BAG4: variants seen among roughly 807,000 people sequenced by gnomAD.
BAG4 encodes the protein BAG family molecular chaperone regulator 4.
A neutral mutation model predicts 52.1 loss-of-function variants in BAG4; 28 were observed. The observed-to-expected ratio is 0.54, with a 90% confidence interval of 0.40 to 0.74. The LOEUF (loss-of-function observed/expected upper bound fraction) is 0.74. Ranked by LOEUF, BAG4 falls within the 30% of genes least tolerant of loss-of-function variation. The probability of loss-of-function intolerance (pLI) is 0.00; values close to 1 mark genes in which losing one functional copy is unlikely to be tolerated. For synonymous variants in BAG4, 208 were observed against 217.0 expected, an observed-to-expected ratio of 0.96 and a Z score of 0.37; for missense variants, 525 against 572.0, an observed-to-expected ratio of 0.92 and a Z score of 0.84.
rs1803651553 is a variant in BAG4, at chr8:38,200,822, T to C, written c.379-6690T>C. ...CATGTTGGTCAGGCTGGTCTCGAAC[T>C]CCGGACCTCAGGTGATCCGCTTGCC... On this transcript the variant is annotated intron_variant, in intron 2 of 4. Coordinates refer to ENST00000287322, the MANE Select transcript of BAG4 (RefSeq NM_004874.4). Among the ~76,000 whole-genome samples, 2 of 151,950 alleles carry C rather than the reference T, an allele frequency of 1.3e-5. 1 individual carries two copies. The highest frequency in any genetic ancestry group is 2.9e-5 in the Non-Finnish European group (2 of 67,948).
At position 38,180,510 on chromosome 8, in the gene BAG4, G is replaced by A. The variant is rs557018876; in HGVS notation, c.270+3371G>A. Among the ~76,000 whole-genome samples, 215 of 77,402 alleles carry A rather than the reference G, an allele frequency of 2.8e-3. No homozygotes were observed. The Middle Eastern group carries it at 0.037, about 13-fold the overall frequency. The allele number at this position is 77,402 out of a possible 152,430, so 50.8% of individuals were successfully genotyped here. On this transcript the variant is annotated intron_variant, in intron 1 of 4. Coordinates refer to ENST00000287322, the MANE Select transcript of BAG4 (RefSeq NM_004874.4). ...TGCACCCCAGCCTGGGCAGCAAAGC[G>A]AGACTCCGTCTCAAAAAAAAAAAAA...
intron 1 of BAG4, among the ~76,000 whole-genome samples, chr8:38,180,985 G>C (rs1262257092): frequency 6.8e-6 from 1 of 147,968 alleles, no homozygotes; most frequent in Non-Finnish European, 1.5e-5. Context: ...CTGTTACCCA[G>C]GCTGGAGTGC....
rs532845972 is a variant in BAG4 at position 38,182,122 on chromosome 8, G to A, written c.270+4983G>A. ...GTAAATGTTTGAACCAGATGCTGGGGCAAGAGGGACAACACAGAGAAGCAT... is the reference window on the plus strand; with the variant it reads ...GTAAATGTTTGAACCAGATGCTGGGACAAGAGGGACAACACAGAGAAGCAT... On this transcript the variant is annotated intron_variant, in intron 1 of 4. Transcript: ENST00000287322. Among the ~76,000 whole-genome samples, 10 of 152,194 alleles carry A rather than the reference G, an allele frequency of 6.6e-5. No homozygotes were observed. The East Asian group carries it at 1.9e-3, about 29-fold the overall frequency.
At chr8:38,177,583 G>A (rs1803186351) in intron 1 of BAG4, among the ~76,000 whole-genome samples, 2 of 152,184 alleles carry the variant, frequency 1.3e-5, no homozygotes, top group Non-Finnish European at 2.9e-5. Context: ...CGAGGAGGAG[G>A]GATCTGGGCA....
chr8:38,198,112 C>T (rs776552910), intron 2 of BAG4, among the ~76,000 whole-genome samples: 21 of 151,752 alleles, frequency 1.4e-4, no homozygotes, highest in Non-Finnish European at 2.1e-4. Flanking sequence ...GGGCCGGGCG[C>T]GGTGGCTCAC....
chr8:38,201,421 C>G (rs1208535927), intron 2 of BAG4, among the ~76,000 whole-genome samples: 1 of 152,144 alleles, frequency 6.6e-6, no homozygotes, highest in Non-Finnish European at 1.5e-5. Flanking sequence ...AAGTGATCCT[C>G]CTGTCTCAGT....
At chr8:38,189,818 T>C (rs1470534300) in intron 1 of BAG4, among the ~76,000 whole-genome samples, 1 of 152,182 alleles carries the variant, frequency 6.6e-6, no homozygotes, top group African/African-American at 2.4e-5. Flanking sequence ...TACGTTTTGT[T>C]GTTGTTGTTG....
intron 2 of BAG4, among the ~76,000 whole-genome samples, chr8:38,199,526 CTTT>C (rs148882011): frequency 5.7e-5 from 8 of 141,474 alleles, no homozygotes; most frequent in Admixed American, 7.1e-5. Flanking sequence ...CCTGTGATTT[CTTT>C]TTTTTTTTTT....
At chr8:38,201,223 A>G (rs1181028396) in intron 2 of BAG4, among the ~76,000 whole-genome samples, 1 of 152,186 alleles carries the variant, frequency 6.6e-6, no homozygotes, top group South Asian at 2.1e-4. Flanking sequence ...AAATAACCCA[A>G]AGGTGTCTAG....
chr8:38,187,782 G>A (rs1274237909), intron 1 of BAG4, among the ~76,000 whole-genome samples: 1 of 151,568 alleles, frequency 6.6e-6, no homozygotes, highest in Non-Finnish European at 1.5e-5. Context: ...CAGCAATTTG[G>A]GAGGCCAAGG....
intron 1 of BAG4, among the ~76,000 whole-genome samples, chr8:38,180,737 T>C (rs1053616444): frequency 6.6e-6 from 1 of 151,964 alleles, no homozygotes; most frequent in Admixed American, 6.6e-5. Flanking sequence ...ACTTGTGAGG[T>C]TGATAGAAAT....
At chr8:38,198,596 C>T (rs1450169166) in intron 2 of BAG4, among the ~76,000 whole-genome samples, 1 of 149,910 alleles carries the variant, frequency 6.7e-6, no homozygotes, top group East Asian at 2.0e-4. Flanking sequence ...TCAAGCAATT[C>T]TCCTGCCTCA....
intron 1 of BAG4, among the ~76,000 whole-genome samples, chr8:38,189,197 G>A (rs548020420): frequency 2.0e-5 from 3 of 151,926 alleles, no homozygotes; most frequent in Admixed American, 1.3e-4. Flanking sequence ...CACCCACCTC[G>A]GCCTCCCAAA....
At chr8:38,191,712 A>G (rs1260944821) in intron 1 of BAG4, among the ~76,000 whole-genome samples, 1 of 146,278 alleles carries the variant, frequency 6.8e-6, no homozygotes, top group Non-Finnish European at 1.5e-5. Flanking sequence ...GTGAGCCGAG[A>G]TCGTGCCATT....
chr8:38,203,464 T>C (rs1803717209), intron 2 of BAG4, among the ~76,000 whole-genome samples: 1 of 151,904 alleles, frequency 6.6e-6, no homozygotes, highest in Non-Finnish European at 1.5e-5. Context: ...TTTGTATTTT[T>C]AGTAGAGACA....
At chr8:38,207,418 ATCT>A (rs1370320303) in intron 2 of BAG4, 91 bp from the exon 3 acceptor site, 12 of 1,387,728 alleles carry the variant, frequency 8.6e-6, no homozygotes, top group South Asian at 4.0e-5. Flanking sequence ...AGTGATTAAC[ATCT>A]TCTCAAAGTT....
At chr8:38,201,479 A>G (rs1362994626) in intron 2 of BAG4, among the ~76,000 whole-genome samples, 1 of 151,776 alleles carries the variant, frequency 6.6e-6, no homozygotes, top group East Asian at 1.9e-4. Context: ...ATTTTTAAAT[A>G]TTTTGCAGAG....
chr8:38,196,226 G>A (rs1384251408), intron 2 of BAG4, among the ~76,000 whole-genome samples: 1 of 152,152 alleles, frequency 6.6e-6, no homozygotes, highest in African/African-American at 2.4e-5. Context: ...TGGTCATAGA[G>A]TAACCCTATA....
At chr8:38,203,227 TGC>T (rs1803710484) in intron 2 of BAG4, among the ~76,000 whole-genome samples, 1 of 152,100 alleles carries the variant, frequency 6.6e-6, no homozygotes, top group Non-Finnish European at 1.5e-5. Context: ...GGAAACTCAT[TGC>T]TAAGCGAGTG....
Sources: gnomAD v4.1 joint callset for allele counts (sites outside exome capture counted in the v4.1 genomes callset) on GRCh38, gnomAD v4.1.1 for gene constraint, MANE v1.5 for transcripts, NCBI Gene and HGNC (gene_info 2026-07-23, HGNC 2026-07-21) for gene names.